TBC1D5: variants seen among roughly 807,000 people sequenced by gnomAD.
TBC1D5 encodes the protein TBC1 domain family, member 5.
TBC1D5 carries 75 observed loss-of-function variants against 100.3 expected under a neutral mutation model. That is an observed-to-expected ratio of 0.75 (90% confidence interval 0.62 to 0.91). TBC1D5 has a LOEUF of 0.91. TBC1D5 is among the 40% of genes least tolerant of loss of function. The pLI is 0.00. For missense variants in TBC1D5, 910 were observed against 942.4 expected (o/e 0.97, Z 0.45); for synonymous variants, 323 against 325.6 (o/e 0.99, Z 0.09).
At chr3:17,377,895 T>TAACC (rs2092774577) in intron 9 of TBC1D5, among the ~76,000 whole-genome samples, 1 of 151,880 alleles carries the variant, frequency 6.6e-6, no homozygotes, top group Admixed American at 6.6e-5. Flanking sequence ...TCTTTATAGG[T>TAACC]AACCATCTCC....
chr3:17,686,113 A>C (rs1186321347), intron 1 of TBC1D5, among the ~76,000 whole-genome samples: 4 of 152,170 alleles, frequency 2.6e-5, no homozygotes, highest in Admixed American at 1.3e-4. Flanking sequence ...CAAAAACTTC[A>C]AAGGACAAAG....
chr3:17,313,170 G>C (rs1434048364), intron 13 of TBC1D5, among the ~76,000 whole-genome samples: 1 of 152,142 alleles, frequency 6.6e-6, no homozygotes, highest in African/African-American at 2.4e-5. Flanking sequence ...TCTTAGCCCT[G>C]ACAGGAGGGG....
intron 1 of TBC1D5, among the ~76,000 whole-genome samples, chr3:17,685,865 A>C (rs1165212940): frequency 1.3e-5 from 2 of 152,150 alleles, no homozygotes; most frequent in Non-Finnish European, 2.9e-5. Context: ...AAATCTTTAG[A>C]AATTTTCTGC....
chr3:17,281,243 T>C (rs1000445444), intron 15 of TBC1D5, among the ~76,000 whole-genome samples: 1 of 152,230 alleles, frequency 6.6e-6, no homozygotes, highest in African/African-American at 2.4e-5. Context: ...TTAGTATATT[T>C]TGGCTAAATG....
chr3:17,735,931 G>T (rs1168394432), intron 1 of TBC1D5, among the ~76,000 whole-genome samples: 1 of 152,206 alleles, frequency 6.6e-6, no homozygotes, highest in African/African-American at 2.4e-5. Flanking sequence ...ATACAAGGGA[G>T]GGGACCCAAA....
In TBC1D5 at chr3:17,478,618, A is replaced by G. The variant is rs548514390; in HGVS notation, c.97+29856T>C. ...ATAGGATTGTTCACTGCTAGTATAC[A>G]AAAATACAATTTTTGCTACCTCTAA... On this transcript the variant is annotated intron_variant, in intron 3 of 21. Coordinates refer to ENST00000253692, the Ensembl canonical transcript of TBC1D5. Among the ~76,000 whole-genome samples, 86 of 152,342 alleles carry G rather than the reference A, an allele frequency of 5.6e-4. 1 individual carries two copies. In the South Asian group the frequency reaches 0.017, roughly 30 times the overall value.
At chr3:17,685,108 G>A (rs1282045074) in intron 1 of TBC1D5, among the ~76,000 whole-genome samples, 1 of 151,912 alleles carries the variant, frequency 6.6e-6, no homozygotes, top group Non-Finnish European at 1.5e-5. Flanking sequence ...TCTAAAATGA[G>A]TATGCACATA....
intron 1 of TBC1D5, among the ~76,000 whole-genome samples, chr3:17,697,662 T>A (rs1440055889): frequency 6.6e-6 from 1 of 152,194 alleles, no homozygotes; most frequent in Non-Finnish European, 1.5e-5. Context: ...ATCAATATTG[T>A]GAAAATGGCC....
intron 3 of TBC1D5, among the ~76,000 whole-genome samples, chr3:17,481,417 G>A (rs971267602): frequency 2.0e-5 from 3 of 152,120 alleles, no homozygotes; most frequent in South Asian, 2.1e-4. Context: ...AAAAGGCACC[G>A]CCTGCCACAG....
chr3:17,603,002 C>G (rs1372765044), intron 2 of TBC1D5, among the ~76,000 whole-genome samples: 1 of 152,084 alleles, frequency 6.6e-6, no homozygotes, highest in Non-Finnish European at 1.5e-5. Context: ...AGACAAATGC[C>G]TAAGTAAGTC....
chr3:17,732,184 G>C (rs906160295), intron 1 of TBC1D5, among the ~76,000 whole-genome samples: 7 of 152,042 alleles, frequency 4.6e-5, no homozygotes, highest in East Asian at 1.9e-4. Flanking sequence ...TGGGCATGGT[G>C]GTGGGCGCCT....
At chr3:17,347,765 T>C (rs551298357) in intron 13 of TBC1D5, among the ~76,000 whole-genome samples, 1 of 152,190 alleles carries the variant, frequency 6.6e-6, no homozygotes, top group East Asian at 1.9e-4. Flanking sequence ...TCCTAACACT[T>C]AGGTGGGAGA....
At chr3:17,171,902 T>C (rs1232812158) in intron 19 of TBC1D5, among the ~76,000 whole-genome samples, 1 of 152,176 alleles carries the variant, frequency 6.6e-6, no homozygotes, top group Non-Finnish European at 1.5e-5. Flanking sequence ...AATACAATGC[T>C]CTGGCCTGAT....
chr3:17,630,289 T>C (rs879714805), intron 1 of TBC1D5, among the ~76,000 whole-genome samples: 3 of 152,246 alleles, frequency 2.0e-5, no homozygotes, highest in African/African-American at 4.8e-5. Flanking sequence ...AAATGTACGT[T>C]TGTGGTAACC....
intron 1 of TBC1D5, among the ~76,000 whole-genome samples, chr3:17,628,390 C>T (rs1448658785): frequency 6.7e-6 from 1 of 150,286 alleles, no homozygotes; most frequent in East Asian, 2.0e-4. Context: ...AAAAAAAATA[C>T]ACACACCCAA....
At position 17,645,784 on chromosome 3, in the gene TBC1D5, C is replaced by A. The variant is rs566312352; in HGVS notation, c.-100-21871G>T. Reference sequence around the variant, plus strand: ...AGCATGCTTACAATGAAACTTATTTCCCACCACCCTCACCTTGTCACAAAG... The same window carrying A: ...AGCATGCTTACAATGAAACTTATTTACCACCACCCTCACCTTGTCACAAAG... On this transcript the variant is annotated intron_variant, in intron 1 of 21. Transcript: ENST00000253692. Among the ~76,000 whole-genome samples, 10 of 152,160 alleles carry A rather than the reference C, an allele frequency of 6.6e-5. No homozygotes were observed. The East Asian group carries it at 7.7e-4, about 12-fold the overall frequency.
At chr3:17,605,112 T>C (rs2061254384) in intron 2 of TBC1D5, among the ~76,000 whole-genome samples, 1 of 152,238 alleles carries the variant, frequency 6.6e-6, no homozygotes, top group African/African-American at 2.4e-5. Flanking sequence ...AAACCTCCTC[T>C]TCACAAAGCA....
intron 3 of TBC1D5, among the ~76,000 whole-genome samples, chr3:17,495,148 T>G (rs1420983798): frequency 6.6e-6 from 1 of 152,212 alleles, no homozygotes; most frequent in Non-Finnish European, 1.5e-5. Context: ...GATTCAGGAT[T>G]TAGCCGCCAC....
intron 18 of TBC1D5, among the ~76,000 whole-genome samples, chr3:17,190,529 G>A (rs1484494183): frequency 6.6e-6 from 1 of 152,172 alleles, no homozygotes; most frequent in Non-Finnish European, 1.5e-5. Flanking sequence ...GGGATAGTAC[G>A]AGCTGAGGTT....
Sources: allele counts gnomAD v4.1 joint callset (sites outside exome capture counted in the v4.1 genomes callset), GRCh38; gene constraint gnomAD v4.1.1; transcripts MANE v1.5; gene names NCBI Gene and HGNC (gene_info 2026-07-23, HGNC 2026-07-21).